The following MTCL3 variants were observed in gnomAD, a reference collection of about 807,000 sequenced individuals.
The protein encoded by MTCL3 is MTCL family member 3, also known as microtubule cross-linking factor 3.
At chr6:127,477,700 C>G in the MTCL3 span, among the ~76,000 whole-genome samples, 1 of 152,082 alleles carries the variant, frequency 6.6e-6, no homozygotes, top group Admixed American at 6.5e-5. Flanking sequence ...TTCCTATCTA[C>G]TAATGGGAAT....
chr6:127,509,285 C>G, the MTCL3 span, among the ~76,000 whole-genome samples: 4 of 152,196 alleles, frequency 2.6e-5, no homozygotes, highest in Non-Finnish European at 5.9e-5. Context: ...TGCCTCTACT[C>G]AATTCTTCTT....
the MTCL3 span, among the ~76,000 whole-genome samples, chr6:127,488,233 G>T: frequency 6.6e-6 from 1 of 152,128 alleles, no homozygotes; most frequent in African/African-American, 2.4e-5. Flanking sequence ...TCTCTTCAGG[G>T]TTCCTAATAA....
the MTCL3 span, among the ~76,000 whole-genome samples, chr6:127,493,053 T>C: frequency 6.6e-6 from 1 of 152,202 alleles, no homozygotes; most frequent in Non-Finnish European, 1.5e-5. Flanking sequence ...GAAGAAGTGA[T>C]ATATACATCT....
At chr6:127,477,536 G>A in the MTCL3 span, among the ~76,000 whole-genome samples, 9 of 152,056 alleles carry the variant, frequency 5.9e-5, no homozygotes, top group South Asian at 8.3e-4. Context: ...TCCAGTACTC[G>A]GTCATCTGTG....
chr6:127,501,366 G>A, the MTCL3 span, among the ~76,000 whole-genome samples: 1 of 152,164 alleles, frequency 6.6e-6, no homozygotes, highest in African/African-American at 2.4e-5. Flanking sequence ...TGGATCACTT[G>A]ATAAAGTTCT....
At chr6:127,476,063 C>A in the MTCL3 span, 1 of 1,613,444 alleles carries the variant, frequency 6.2e-7, no homozygotes, top group South Asian at 1.1e-5. The surrounding 1 kb of genome is among the most constrained non-coding windows in gnomAD (Gnocchi z 4.4). Flanking sequence ...AGCTCCGTCT[C>A]GTCTTCCACC....
the MTCL3 span, among the ~76,000 whole-genome samples, chr6:127,479,688 T>C: frequency 4.9e-4 from 75 of 152,302 alleles, no homozygotes; most frequent in East Asian, 0.014. Context: ...AGACTGAATA[T>C]AATAGAGTCA....
the MTCL3 span, among the ~76,000 whole-genome samples, chr6:127,517,074 T>C: frequency 6.6e-6 from 1 of 152,214 alleles, no homozygotes; most frequent in East Asian, 1.9e-4. Context: ...ATATTAGAGT[T>C]GTCAACTCTG....
the MTCL3 span, among the ~76,000 whole-genome samples, chr6:127,478,347 C>T: frequency 6.6e-6 from 1 of 152,142 alleles, no homozygotes; most frequent in African/African-American, 2.4e-5. Context: ...GTTGGTTCTG[C>T]CTGCTGAAAG....
chr6:127,478,113 A>G, the MTCL3 span, among the ~76,000 whole-genome samples: 2 of 152,212 alleles, frequency 1.3e-5, no homozygotes, highest in Non-Finnish European at 2.9e-5. Context: ...AGGGCATGTC[A>G]TGGAAAGCTT....
the MTCL3 span, among the ~76,000 whole-genome samples, chr6:127,493,914 T>C: frequency 1.3e-5 from 2 of 152,214 alleles, no homozygotes; most frequent in East Asian, 1.9e-4. Context: ...AGAGCTCAGA[T>C]TGACGACAGA....
the MTCL3 span, among the ~76,000 whole-genome samples, chr6:127,508,901 A>G: frequency 6.6e-6 from 1 of 152,220 alleles, no homozygotes; most frequent in East Asian, 1.9e-4. Context: ...TGGAGCAAAA[A>G]CTCACCTCTC....
chr6:127,499,496 A>G, the MTCL3 span, among the ~76,000 whole-genome samples: 1 of 152,238 alleles, frequency 6.6e-6, no homozygotes. Context: ...AGAAAATGCT[A>G]AGAAGAAAAA....
chr6:127,515,304 C>T, the MTCL3 span, among the ~76,000 whole-genome samples: 1 of 152,068 alleles, frequency 6.6e-6, no homozygotes, highest in African/African-American at 2.4e-5. The surrounding 1 kb of genome is among the most constrained non-coding windows in gnomAD (Gnocchi z 4.3). Flanking sequence ...AAACGGAGGC[C>T]CAGATTTGAA....
At chr6:127,518,102 T>C in the MTCL3 span, among the ~76,000 whole-genome samples, 7 of 152,308 alleles carry the variant, frequency 4.6e-5, no homozygotes, top group East Asian at 1.9e-4. Context: ...CTTTGAAATA[T>C]AAAGGTGAAC....
chr6:127,516,310 G>A, the MTCL3 span: 10 of 1,582,988 alleles, frequency 6.3e-6, no homozygotes, highest in East Asian at 1.6e-4. Flanking sequence ...CGCCTTCTCG[G>A]CCCCACCTCC....
chr6:127,499,371 C>T, the MTCL3 span, among the ~76,000 whole-genome samples: 1 of 152,030 alleles, frequency 6.6e-6, no homozygotes, highest in Non-Finnish European at 1.5e-5. Flanking sequence ...GCACAACTGA[C>T]ATCGCAGAAA....
chr6:127,473,446 A>C, the MTCL3 span: 7 of 1,326,752 alleles, frequency 5.3e-6, no homozygotes, highest in East Asian at 2.9e-5. Flanking sequence ...TAATCTTTAA[A>C]ACTTAAATTC....
chr6:127,475,915 T>A, the MTCL3 span: 1 of 1,613,228 alleles, frequency 6.2e-7, no homozygotes, highest in Non-Finnish European at 8.5e-7. This position sits in a 1 kb window ranked among gnomAD's most constrained non-coding sequence, Gnocchi z 7.3. Flanking sequence ...CGCCTTCAGC[T>A]CCTCCTGCAG....
Sources: allele counts gnomAD v4.1 joint callset (sites outside exome capture counted in the v4.1 genomes callset), GRCh38; gene constraint gnomAD v4.1.1; non-coding constraint Gnocchi (gnomAD v3.1); transcripts MANE v1.5; gene names NCBI Gene and HGNC (gene_info 2026-07-23, HGNC 2026-07-21).